Variants in SHISA6 observed in about 807,000 individuals in gnomAD.
SHISA6 encodes protein shisa-6.
SHISA6 carries 22 observed loss-of-function variants against 47.9 expected under a neutral mutation model. The ratio of observed to expected loss-of-function variants is 0.46; its 90% confidence interval spans 0.33 to 0.66. SHISA6 has a LOEUF of 0.66. SHISA6 is among the 30% of genes least tolerant of loss of function. The probability of loss-of-function intolerance (pLI) is 0.02; values close to 1 mark genes in which losing one functional copy is unlikely to be tolerated. For synonymous variants in SHISA6, 388 were observed against 337.8 expected, an observed-to-expected ratio of 1.15 and a Z score of -1.63; for missense variants, 680 against 764.6, an observed-to-expected ratio of 0.89 and a Z score of 1.30.
chr17:11,489,383 C>T (rs1916422844), intron 3 of SHISA6, among the ~76,000 whole-genome samples: 1 of 152,192 alleles, frequency 6.6e-6, no homozygotes, highest in South Asian at 2.1e-4. Flanking sequence ...TTTCCATCAA[C>T]ACTTAACATT....
intron 3 of SHISA6, among the ~76,000 whole-genome samples, chr17:11,501,639 C>T (rs183110849): frequency 8.6e-5 from 13 of 151,830 alleles, no homozygotes; most frequent in African/African-American, 1.9e-4. Context: ...AGACATGGAG[C>T]GATGAGAATT....
intron 2 of SHISA6, among the ~76,000 whole-genome samples, chr17:11,305,200 G>A (rs1910067979): frequency 6.6e-6 from 1 of 152,148 alleles, no homozygotes; most frequent in Non-Finnish European, 1.5e-5. Flanking sequence ...AACTCATTAG[G>A]GGTATACTGT....
intron 2 of SHISA6, among the ~76,000 whole-genome samples, chr17:11,264,184 AT>A (rs1217715529): frequency 6.6e-6 from 1 of 152,204 alleles, no homozygotes; most frequent in Non-Finnish European, 1.5e-5. Flanking sequence ...GTTAATAATA[AT>A]TTAAAAATCA....
chr17:11,286,234 G>T (rs1164839877), intron 2 of SHISA6, among the ~76,000 whole-genome samples: 4 of 152,236 alleles, frequency 2.6e-5, no homozygotes, highest in East Asian at 1.9e-4. Context: ...CCATATGAGG[G>T]ACTAGAGCAT....
At chr17:11,417,806 A>G (rs1171375727) in intron 3 of SHISA6, among the ~76,000 whole-genome samples, 2 of 152,204 alleles carry the variant, frequency 1.3e-5, no homozygotes, top group East Asian at 1.9e-4. Context: ...TATGTGTCCA[A>G]CTGAATAAAT....
intron 3 of SHISA6, among the ~76,000 whole-genome samples, chr17:11,458,402 A>C (rs1477550800): frequency 6.6e-6 from 1 of 152,160 alleles, no homozygotes; most frequent in Non-Finnish European, 1.5e-5. Context: ...TCAGGGAATA[A>C]AGAAAGCTCA....
chr17:11,402,642 C>T (rs1913817238), intron 3 of SHISA6, among the ~76,000 whole-genome samples: 2 of 152,198 alleles, frequency 1.3e-5, no homozygotes, highest in South Asian at 4.1e-4. Context: ...TGACTTGATG[C>T]ATGTGACATC....
intron 3 of SHISA6, among the ~76,000 whole-genome samples, chr17:11,482,906 C>T (rs896585042): frequency 9.2e-5 from 14 of 152,026 alleles, no homozygotes; most frequent in African/African-American, 3.1e-4. Context: ...AAAGTAACTA[C>T]TTATAGAGTT....
intron 5 of SHISA6, among the ~76,000 whole-genome samples, chr17:11,556,707 T>C (rs143824066): frequency 1.8e-4 from 28 of 152,172 alleles, no homozygotes; most frequent in Non-Finnish European, 3.2e-4. Context: ...GGGACTATCA[T>C]AACCTGAGGA....
At chr17:11,258,630 T>C (rs1908106138) in intron 1 of SHISA6, among the ~76,000 whole-genome samples, 1 of 152,204 alleles carries the variant, frequency 6.6e-6, no homozygotes. Flanking sequence ...TGGGAAATGC[T>C]TGGAGGAACA....
chr17:11,365,812 A>G (rs2142233509), intron 2 of SHISA6, among the ~76,000 whole-genome samples: 1 of 152,326 alleles, frequency 6.6e-6, no homozygotes, highest in South Asian at 2.1e-4. Context: ...GTTTTATAGA[A>G]TGATACATGC....
intron 3 of SHISA6, among the ~76,000 whole-genome samples, chr17:11,438,888 C>T (rs142720982): frequency 3.3e-5 from 5 of 152,098 alleles, no homozygotes; most frequent in Admixed American, 1.3e-4. Context: ...TCCCCCAAGA[C>T]GAAGATTCAT....
At chr17:11,263,582 A>T in intron 2 of SHISA6, 56 bp downstream of exon 2, 1 of 1,542,816 alleles carries the variant, frequency 6.5e-7, no homozygotes, top group Non-Finnish European at 8.8e-7. Context: ...AGGTTTCAGG[A>T]TGTTTCTGCT....
chr17:11,350,440 A>G (rs1259907411), intron 2 of SHISA6, among the ~76,000 whole-genome samples: 1 of 151,916 alleles, frequency 6.6e-6, no homozygotes, highest in African/African-American at 2.4e-5. Flanking sequence ...TCAGACTCCC[A>G]AAGTGCTGAG....
rs145070966 is a variant in SHISA6 at position 11,502,542 on chromosome 17, C to A, written c.896-49354C>A. On this transcript the variant is annotated intron_variant, in intron 3 of 5. Transcript: ENST00000441885. ...AGGAGTTTGAGACCAGCCTGACCAA[C>A]AAGGTGAAACCCCTTCTCTACTAAA... Among the ~76,000 whole-genome samples, 615 of 150,936 alleles carry A rather than the reference C, an allele frequency of 4.1e-3. 2 individuals carry two copies. Among genetic ancestry groups the A allele is most frequent in the Middle Eastern group, 3.5e-3 (1 of 288 alleles).
At chr17:11,358,418 G>A (rs1475091590) in intron 2 of SHISA6, among the ~76,000 whole-genome samples, 1 of 151,924 alleles carries the variant, frequency 6.6e-6, no homozygotes, top group African/African-American at 2.4e-5. Flanking sequence ...GGAGTGCAGT[G>A]GTGCGATCGC....
intron 3 of SHISA6, among the ~76,000 whole-genome samples, chr17:11,528,764 C>T (rs1007669347): frequency 6.6e-6 from 1 of 152,180 alleles, no homozygotes; most frequent in Non-Finnish European, 1.5e-5. Context: ...GCAACAGACT[C>T]CCATAACAGA....
At chr17:11,327,288 A>G (rs1025500895) in intron 2 of SHISA6, among the ~76,000 whole-genome samples, 1 of 152,226 alleles carries the variant, frequency 6.6e-6, no homozygotes, top group African/African-American at 2.4e-5. Flanking sequence ...TGTGATTTCA[A>G]AAGATCACCA....
At chr17:11,317,014 A>G (rs1910547578) in intron 2 of SHISA6, among the ~76,000 whole-genome samples, 1 of 152,120 alleles carries the variant, frequency 6.6e-6, no homozygotes, top group Admixed American at 6.5e-5. Context: ...AGCTCCTGTT[A>G]CCATTTCTAC....
Sources: allele counts gnomAD v4.1 joint callset (sites outside exome capture counted in the v4.1 genomes callset), GRCh38; gene constraint gnomAD v4.1.1; transcripts MANE v1.5; gene names NCBI Gene and HGNC (gene_info 2026-07-23, HGNC 2026-07-21).